PHOSPHO2: variants seen among roughly 807,000 people sequenced by gnomAD.
PHOSPHO2 encodes phosphatase, orphan 2, also known as pyridoxal phosphate phosphatase PHOSPHO2.
PHOSPHO2 carries 14 observed loss-of-function variants against 16.4 expected under a neutral mutation model. The observed-to-expected ratio is 0.85, with a 90% CI of 0.56 to 1.33. The LOEUF is 1.33. PHOSPHO2 is among the 40% of genes most tolerant of loss of function. The probability of loss-of-function intolerance (pLI) is 0.00; values close to 1 mark genes in which losing one functional copy is unlikely to be tolerated. For missense variants in PHOSPHO2, 246 were observed against 282.5 expected (o/e 0.87, Z 0.93); for synonymous variants, 85 against 90.5 (o/e 0.94, Z 0.34).
At chr2:169,696,548 T>G (rs1382661132) in intron 2 of PHOSPHO2, among the ~76,000 whole-genome samples, 2 of 152,250 alleles carry the variant, frequency 1.3e-5, no homozygotes, top group African/African-American at 4.8e-5. Context: ...TGGATGTCTG[T>G]GTAGTTTTTA....
chr2:169,698,699 TTTCTC>T (rs1687636627), intron 3 of PHOSPHO2, among the ~76,000 whole-genome samples: 1 of 152,176 alleles, frequency 6.6e-6, no homozygotes, highest in Non-Finnish European at 1.5e-5. Context: ...ATTCTTTCCT[TTTCTC>T]TTGAGATTTA....
Position 169,694,622 on chromosome 2 carries a change from G to A in PHOSPHO2, c.-231G>A, listed in dbSNP as rs77728018. The A allele has an allele frequency of 0.05, 26,137 of 518,548 alleles. 818 individuals are homozygous for A. The highest frequency in any genetic ancestry group is 0.067 in the Non-Finnish European group (19,120 of 284,192). 32.1% of individuals were successfully genotyped at this position (518,548 alleles called of 1,614,324 possible). A position where few individuals can be genotyped will look rare whatever the true frequency, so the allele number is the denominator to read the frequency against. On this transcript the variant is annotated splice_region_variant and 5_prime_UTR_variant, in exon 1 of 4. Coordinates refer to ENST00000359744, the MANE Select transcript of PHOSPHO2 (RefSeq NM_001008489.4). ...GGGGCGGCTGCCGACGGCGGGACTGGGTCAGTGAGAAGCCCGTGGGCCCCC... is the reference window on the plus strand; with the variant it reads ...GGGGCGGCTGCCGACGGCGGGACTGAGTCAGTGAGAAGCCCGTGGGCCCCC...
chr2:169,697,890 C>T (rs1212165386), intron 3 of PHOSPHO2: 2 of 152,132 alleles, frequency 1.3e-5, no homozygotes, highest in Non-Finnish European at 2.9e-5. Flanking sequence ...ATTTAAATTT[C>T]AGGGAACCAG....
chr2:169,695,471 G>C (rs1687485961), intron 2 of PHOSPHO2, among the ~76,000 whole-genome samples: 1 of 151,688 alleles, frequency 6.6e-6, no homozygotes, highest in Non-Finnish European at 1.5e-5. Flanking sequence ...CCTGTCTCTA[G>C]CAAAAATACA....
Position 169,701,141 on chromosome 2 carries a change from A to G in PHOSPHO2, c.170A>G (p.Asp57Gly). The G allele has an allele frequency of 1.2e-6, 2 of 1,614,030 alleles. No individual in the cohort carries two copies. Among genetic ancestry groups the G allele is most frequent in the Non-Finnish European group, 1.7e-6 (2 of 1,179,968 alleles). Residue 57 changes from aspartate (D) to glycine (G), a missense_variant, in exon 4 of 4, where the codon GAT (aspartate) becomes GGT (glycine). By Grantham distance (94) the Asp-to-Gly change is moderately conservative (BLOSUM62 -1). Transcript: ENST00000359744. ...FMGRVFKYLG[D>G]KGVREHEMKR... ...GGCAGAGTCTTTAAGTATTTGGGAG[A>G]TAAGGGTGTAAGAGAACATGAAATG...
chr2:169,696,102 G>A (rs940189890), intron 2 of PHOSPHO2, among the ~76,000 whole-genome samples: 1 of 152,138 alleles, frequency 6.6e-6, no homozygotes, highest in Admixed American at 6.5e-5. Flanking sequence ...ATGATTTGAT[G>A]TCAGTTACTT....
At chr2:169,694,837 A>T (rs938649391) in intron 1 of PHOSPHO2, 1 of 177,666 alleles carries the variant, frequency 5.6e-6, no homozygotes, top group Non-Finnish European at 1.2e-5. Context: ...AACTATAAAA[A>T]CCCGCGGATT....
At chr2:169,700,829 A>T in intron 3 of PHOSPHO2, 117 bp from the exon 4 acceptor site, 1 of 1,052,188 alleles carries the variant, frequency 9.5e-7, no homozygotes, top group Middle Eastern at 3.2e-4. Context: ...GTGCTTAATT[A>T]CTTTGTTTAT....
intron 2 of PHOSPHO2, among the ~76,000 whole-genome samples, chr2:169,695,994 G>A (rs543235195): frequency 2.0e-5 from 3 of 152,312 alleles, no homozygotes; most frequent in Admixed American, 1.3e-4. Context: ...AGGGCAGTCA[G>A]TAAGACATGC....
chr2:169,694,485 C>G lies in PHOSPHO2; in HGVS notation c.-368C>G, dbSNP rs201743910. 4.1e-6 allele frequency: 3 copies of G among 727,304 alleles called. No homozygotes were observed. Among genetic ancestry groups the G allele is most frequent in the Middle Eastern group, 3.6e-4 (1 of 2,746 alleles). 45.1% of individuals were successfully genotyped at this position (727,304 alleles called of 1,614,324 possible). A position where few individuals can be genotyped will look rare whatever the true frequency, so the allele number is the denominator to read the frequency against. On this transcript the variant is annotated 5_prime_UTR_variant, in exon 1 of 4. Transcript: ENST00000359744. ...GGAGGTGCTGCAGTTGGCGGTCGGG[C>G]TAGAGAAGAGAGGCGCCTGCGCTTG...
In PHOSPHO2 at chr2:169,694,700, C is replaced by G. The variant is rs569829721; in HGVS notation, c.-231+78C>G. On this transcript the variant is annotated intron_variant, in intron 1 of 3. Coordinates refer to ENST00000359744, the MANE Select transcript of PHOSPHO2 (RefSeq NM_001008489.4). ...TGCGCGCTCCCCATGGGGGACGACC[C>G]CCGATTGGGTCCGATGCCTACCCTC... 230 of 358,680 alleles carry G rather than the reference C, an allele frequency of 6.4e-4. 4 individuals are homozygous for G. Among genetic ancestry groups the G allele is most frequent in the South Asian group, 5.8e-3 (216 of 37,258 alleles). The allele number at this position is 358,680 out of a possible 1,614,324, so 22.2% of individuals were successfully genotyped here. A position where few individuals can be genotyped will look rare whatever the true frequency, so the allele number is the denominator to read the frequency against.
intron 3 of PHOSPHO2, among the ~76,000 whole-genome samples, chr2:169,699,225 C>T (rs1687659539): frequency 6.7e-6 from 1 of 148,944 alleles, no homozygotes; most frequent in African/African-American, 2.5e-5. Flanking sequence ...TCCACGTGTT[C>T]TCATGATTCA....
Position 169,701,343 on chromosome 2 carries a change from T to C in PHOSPHO2, c.372T>C (p.Asn124=). Residue 124 remains asparagine, a synonymous_variant, in exon 4 of 4, where the codon AAT becomes AAC. Coordinates refer to ENST00000359744, the MANE Select transcript of PHOSPHO2 (RefSeq NM_001008489.4). ...FHDIFDKVFT[N]PAAFNSNGHL... ...ACATATTTGATAAAGTGTTTACAAA[T>C]CCAGCAGCTTTTAATAGCAATGGTC... The C allele has an allele frequency of 1.9e-6, 3 of 1,613,304 alleles. No homozygotes were observed. The highest frequency in any genetic ancestry group is 2.5e-6 in the Non-Finnish European group (3 of 1,179,768).
chr2:169,700,137 A>T (rs910898638), intron 3 of PHOSPHO2, among the ~76,000 whole-genome samples: 1 of 152,154 alleles, frequency 6.6e-6, no homozygotes, highest in African/African-American at 2.4e-5. Context: ...CCCATTCTCT[A>T]AGTTGTCTGT....
chr2:169,696,020 G>T (rs944491936), intron 2 of PHOSPHO2, among the ~76,000 whole-genome samples: 4 of 152,168 alleles, frequency 2.6e-5, no homozygotes, highest in Non-Finnish European at 5.9e-5. Context: ...CACCAGAGAC[G>T]CAGGGAAAAT....
At chr2:169,694,727 G>A (rs950132487) in intron 1 of PHOSPHO2, 105 bp downstream of exon 1, 1 of 316,242 alleles carries the variant, frequency 3.2e-6, no homozygotes, top group African/African-American at 2.1e-5. Context: ...CCTACCCTCG[G>A]GGTGGAGCCG....
chr2:169,699,551 A>G (rs745563225), intron 3 of PHOSPHO2, among the ~76,000 whole-genome samples: 9 of 152,170 alleles, frequency 5.9e-5, no homozygotes, highest in Non-Finnish European at 1.0e-4. Context: ...TAATGGGATT[A>G]CTGGGTCAAG....
rs570881942 is a variant in PHOSPHO2, at chr2:169,700,301, T to G, written c.-26-645T>G. On this transcript the variant is annotated intron_variant, in intron 3 of 3. Coordinates refer to ENST00000359744, the MANE Select transcript of PHOSPHO2 (RefSeq NM_001008489.4). ...CCTGAATTGTATTGCCTAGATTTTC[T>G]TCTAGGTTTTTTATAGTGTTGGGTT... 3.3e-5 allele frequency among the ~76,000 whole-genome samples: 5 copies of G among 152,332 alleles called. No individual in the cohort carries two copies. In the East Asian group the frequency reaches 9.6e-4, roughly 29 times the overall value.
In PHOSPHO2 at chr2:169,694,735, C is replaced by T. The variant is rs1687446015; in HGVS notation, c.-231+113C>T. ...TCCGATGCCTACCCTCGGGGTGGAG[C>T]CGGCAGGTGTGTGAGCGCGCGAGGC... On this transcript the variant is annotated intron_variant, in intron 1 of 3. Coordinates refer to ENST00000359744, the MANE Select transcript of PHOSPHO2 (RefSeq NM_001008489.4). 9.8e-6 allele frequency: 3 copies of T among 306,960 alleles called. No individual in the cohort carries two copies. In the South Asian group the frequency reaches 1.0e-4, roughly 10 times the overall value. The allele number at this position is 306,960 out of a possible 1,614,324, so 19.0% of individuals were successfully genotyped here. A position where few individuals can be genotyped will look rare whatever the true frequency, so the allele number is the denominator to read the frequency against.
Sources: gnomAD v4.1 joint callset for allele counts (sites outside exome capture counted in the v4.1 genomes callset) on GRCh38, gnomAD v4.1.1 for gene constraint, MANE v1.5 for transcripts, NCBI Gene and HGNC (gene_info 2026-07-23, HGNC 2026-07-21) for gene names.